SYNDIG1: variants seen among roughly 807,000 people sequenced by gnomAD.
SYNDIG1 encodes synapse differentiation-inducing gene protein 1.
Under a neutral mutation model 19.4 loss-of-function variants are expected in SYNDIG1, and 9 were observed. That is an observed-to-expected ratio of 0.46 (90% CI 0.28 to 0.81). The LOEUF (loss-of-function observed/expected upper bound fraction) is 0.81, where lower values mean the gene tolerates loss of function less well. SYNDIG1 is among the 30% of genes least tolerant of loss of function. The probability of loss-of-function intolerance (pLI) is 0.12; values close to 1 mark genes in which losing one functional copy is unlikely to be tolerated. For synonymous variants in SYNDIG1, 141 were observed against 145.9 expected (o/e 0.97, Z 0.24); for missense variants, 311 against 343.3 (o/e 0.91, Z 0.74).
chr20:24,482,767 T>C (rs1359174800), intron 1 of SYNDIG1, among the ~76,000 whole-genome samples: 1 of 152,222 alleles, frequency 6.6e-6, no homozygotes, highest in Admixed American at 6.5e-5. Context: ...CTGTGCTGGG[T>C]ATGTATTTAC....
intron 1 of SYNDIG1, among the ~76,000 whole-genome samples, chr20:24,481,376 T>A (rs2146244337): frequency 6.6e-6 from 1 of 152,280 alleles, no homozygotes; most frequent in Admixed American, 6.5e-5. Flanking sequence ...TTGGGCTCAC[T>A]CGAAGCCTGG....
chr20:24,550,875 G>A (rs1279406640), intron 2 of SYNDIG1, among the ~76,000 whole-genome samples: 1 of 152,120 alleles, frequency 6.6e-6, no homozygotes, highest in Non-Finnish European at 1.5e-5. Context: ...CTTTGTCGTG[G>A]TTTATAATCC....
chr20:24,517,651 T>C (rs539202190), intron 1 of SYNDIG1, among the ~76,000 whole-genome samples: 7 of 143,240 alleles, frequency 4.9e-5, no homozygotes, highest in South Asian at 2.2e-4. Flanking sequence ...TATATACACA[T>C]ATATATATAC....
At chr20:24,604,152 A>T (rs1346240862) in intron 3 of SYNDIG1, among the ~76,000 whole-genome samples, 1 of 152,074 alleles carries the variant, frequency 6.6e-6, no homozygotes, top group Non-Finnish European at 1.5e-5. Context: ...TGCTTAGAAC[A>T]TGTACATTGT....
intron 1 of SYNDIG1, among the ~76,000 whole-genome samples, chr20:24,478,842 A>G (rs2055709304): frequency 6.6e-6 from 1 of 152,244 alleles, no homozygotes; most frequent in Admixed American, 6.5e-5. Flanking sequence ...ACAGGCAGGC[A>G]GAGGGGAAGC....
At chr20:24,599,086 G>C (rs2058639512) in intron 3 of SYNDIG1, among the ~76,000 whole-genome samples, 1 of 152,052 alleles carries the variant, frequency 6.6e-6, no homozygotes, top group Non-Finnish European at 1.5e-5. Flanking sequence ...TTGCAAACTA[G>C]ACATCTCACA....
At chr20:24,512,192 G>A (rs924206905) in intron 1 of SYNDIG1, among the ~76,000 whole-genome samples, 1 of 142,154 alleles carries the variant, frequency 7.0e-6, no homozygotes, top group Non-Finnish European at 1.5e-5. Flanking sequence ...AACAGCTCCA[G>A]TCAACAGCTC....
At chr20:24,520,767 G>A (rs544265410) in intron 1 of SYNDIG1, among the ~76,000 whole-genome samples, 13 of 151,204 alleles carry the variant, frequency 8.6e-5, no homozygotes, top group Non-Finnish European at 1.8e-4. Flanking sequence ...ATGTTGGCTT[G>A]TACACCAACA....
At chr20:24,545,486 G>A (rs1483175105) in intron 2 of SYNDIG1, among the ~76,000 whole-genome samples, 2 of 152,150 alleles carry the variant, frequency 1.3e-5, no homozygotes, top group African/African-American at 4.8e-5. Flanking sequence ...GCACGAAAAT[G>A]CAGCCCCAGG....
chr20:24,655,775 CA>C (rs11087474), intron 3 of SYNDIG1, among the ~76,000 whole-genome samples: 82,999 of 132,378 alleles, frequency 0.63, 24,718 homozygotes, highest in African/African-American at 0.73. Context: ...GTATACTCAT[CA>C]AAAAAAAAAA....
At chr20:24,604,288 G>A (rs2058722390) in intron 3 of SYNDIG1, among the ~76,000 whole-genome samples, 2 of 152,086 alleles carry the variant, frequency 1.3e-5, no homozygotes, top group Non-Finnish European at 2.9e-5. Flanking sequence ...TTAAGGTAAC[G>A]CTGAGACCTG....
intron 3 of SYNDIG1, among the ~76,000 whole-genome samples, chr20:24,637,058 G>C (rs1487966125): frequency 6.6e-6 from 1 of 152,240 alleles, no homozygotes; most frequent in Non-Finnish European, 1.5e-5. Flanking sequence ...GATCCTGCAA[G>C]GCAGTTCCCT....
intron 2 of SYNDIG1, among the ~76,000 whole-genome samples, chr20:24,564,293 A>C (rs1208882897): frequency 6.6e-6 from 1 of 152,256 alleles, no homozygotes; most frequent in Non-Finnish European, 1.5e-5. Flanking sequence ...GATATGTATT[A>C]ATCATGCTAC....
At chr20:24,494,707 T>C (rs2056251972) in intron 1 of SYNDIG1, among the ~76,000 whole-genome samples, 2 of 152,110 alleles carry the variant, frequency 1.3e-5, no homozygotes, top group African/African-American at 4.8e-5. Flanking sequence ...ACCCTGTCCC[T>C]TTGCCCTGCA....
At chr20:24,627,792 G>C (rs770048700) in intron 3 of SYNDIG1, among the ~76,000 whole-genome samples, 4 of 152,222 alleles carry the variant, frequency 2.6e-5, no homozygotes, top group Non-Finnish European at 5.9e-5. Context: ...AACAAGGTTG[G>C]GGGAACCCTA....
At chr20:24,582,224 T>C (rs1438800770) in intron 2 of SYNDIG1, among the ~76,000 whole-genome samples, 28 of 58,090 alleles carry the variant, frequency 4.8e-4, no homozygotes, top group Admixed American at 2.0e-3. Context: ...CTCCCCACTT[T>C]ATATCCTCCC....
chr20:24,597,603 G>A (rs2058616629), intron 3 of SYNDIG1, among the ~76,000 whole-genome samples: 1 of 152,100 alleles, frequency 6.6e-6, no homozygotes, highest in African/African-American at 2.4e-5. Flanking sequence ...GTAAGCGTTG[G>A]ACAGAAATAT....
chr20:24,571,724 T>C (rs2058147764), intron 2 of SYNDIG1, among the ~76,000 whole-genome samples: 1 of 152,210 alleles, frequency 6.6e-6, no homozygotes, highest in Admixed American at 6.5e-5. Flanking sequence ...TCCAATTACC[T>C]AGAACACCCC....
At chr20:24,571,249 C>T (rs552791589) in intron 2 of SYNDIG1, among the ~76,000 whole-genome samples, 6 of 152,258 alleles carry the variant, frequency 3.9e-5, no homozygotes, top group Admixed American at 2.0e-4. Context: ...AACACACACA[C>T]GCACAAGAAT....
Sources: gnomAD v4.1 joint callset for allele counts (sites outside exome capture counted in the v4.1 genomes callset) on GRCh38, gnomAD v4.1.1 for gene constraint, MANE v1.5 for transcripts, NCBI Gene and HGNC (gene_info 2026-07-23, HGNC 2026-07-21) for gene names.